The following CLUAP1 variants were observed in gnomAD, a reference collection of about 807,000 sequenced individuals.
CLUAP1 encodes clusterin-associated protein 1.
In CLUAP1, 50 loss-of-function variants were observed where a neutral mutation model predicts 55.0. The observed-to-expected ratio is 0.91, with a 90% CI of 0.72 to 1.15. The LOEUF (loss-of-function observed/expected upper bound fraction) is 1.15. CLUAP1 is among the 50% of genes most tolerant of loss of function. The pLI is 0.00. For synonymous variants in CLUAP1, 195 were observed against 175.4 expected (o/e 1.11, Z -0.88); for missense variants, 530 against 507.6 (o/e 1.04, Z -0.42).
At position 3,529,636 on chromosome 16, in the gene CLUAP1, T is replaced by TA. The variant is rs1203669726; in HGVS notation, c.929-932_929-931insA. Among the ~76,000 whole-genome samples the TA allele has an allele frequency of 1.3e-3, 37 of 27,558 alleles. 4 individuals carry two copies. Among genetic ancestry groups the TA allele is most frequent in the African/African-American group, 8.3e-3 (36 of 4,338 alleles). The allele number at this position is 27,558 out of a possible 152,430, so 18.1% of individuals were successfully genotyped here. A position where few individuals can be genotyped will look rare whatever the true frequency, so the allele number is the denominator to read the frequency against. ...ATATAATATTATATATTATATATTA[T>TA]TATATATTATATATTATTATATATT... On this transcript the variant is annotated intron_variant, in intron 9 of 11. Coordinates refer to ENST00000576634, the MANE Select transcript of CLUAP1 (RefSeq NM_015041.3).
Position 3,536,801 on chromosome 16 carries a change from A to G in CLUAP1, c.*530A>G, listed in dbSNP as rs574160433. The G allele has an allele frequency of 1.3e-5, 2 of 152,550 alleles. No individual in the cohort carries two copies. The highest frequency in any genetic ancestry group is 4.1e-4 in the South Asian group (2 of 4,842). The allele number at this position is 152,550 out of a possible 1,614,324, so 9.4% of individuals were successfully genotyped here. A position where few individuals can be genotyped will look rare whatever the true frequency, so the allele number is the denominator to read the frequency against. ...CTTTCGTCTGCATGTTCACAATACC[A>G]AGCATTAAATGTATTTTAATAACTA... On this transcript the variant is annotated 3_prime_UTR_variant, in exon 12 of 12. Coordinates refer to ENST00000576634, the MANE Select transcript of CLUAP1 (RefSeq NM_015041.3).
At chr16:3,529,340 A>G (rs567027894) in intron 9 of CLUAP1, among the ~76,000 whole-genome samples, 2 of 132,408 alleles carry the variant, frequency 1.5e-5, no homozygotes, top group East Asian at 4.2e-4. Context: ...GAACCCATGG[A>G]TGTGAAATCC....
At position 3,504,504 on chromosome 16, in the gene CLUAP1, A is replaced by G. The variant is rs566200672; in HGVS notation, c.23-216A>G. 3.9e-5 allele frequency among the ~76,000 whole-genome samples: 6 copies of G among 152,338 alleles called. No homozygotes were observed. In the South Asian group the frequency reaches 6.2e-4, roughly 16 times the overall value. ...ATTCCATTTTCATGTATAGCCATCT[A>G]CTTCTCCCATTGAACTTAAATATAT... On this transcript the variant is annotated intron_variant, in intron 1 of 11. Coordinates refer to ENST00000576634, the MANE Select transcript of CLUAP1 (RefSeq NM_015041.3).
At position 3,538,200 on chromosome 16, in the gene CLUAP1, A is replaced by T. The variant is rs1442366607; in HGVS notation, c.*1929A>T. 6.6e-6 allele frequency: 1 copy of T among 152,060 alleles called. No individual in the cohort carries two copies. Among genetic ancestry groups the T allele is most frequent in the African/African-American group, 2.4e-5 (1 of 41,412 alleles). The allele number at this position is 152,060 out of a possible 1,614,324, so 9.4% of individuals were successfully genotyped here. A position where few individuals can be genotyped will look rare whatever the true frequency, so the allele number is the denominator to read the frequency against. ...TTGTACCTGTCAGATATAAATACTT[A>T]TTCAGGAGTTCACAGGTACGAAAAG... On this transcript the variant is annotated 3_prime_UTR_variant, in exon 12 of 12. Transcript: ENST00000576634.
intron 4 of CLUAP1, among the ~76,000 whole-genome samples, chr16:3,509,249 G>A (rs765352427): frequency 2.0e-5 from 3 of 152,116 alleles, no homozygotes; most frequent in Admixed American, 6.5e-5. Flanking sequence ...ACCTTGTCTG[G>A]GGGGAAGAAA....
rs2037386538 is a variant in CLUAP1, at chr16:3,501,063, G to A, written c.-5G>A. On this transcript the variant is annotated 5_prime_UTR_variant, in exon 1 of 12. Transcript: ENST00000576634. Reference sequence around the variant, plus strand: ...CGACCCTGGGCTCCTGGGGACCTGAGCGTTATGTCTTTCCGCGACCTCCGC... The same window carrying A: ...CGACCCTGGGCTCCTGGGGACCTGAACGTTATGTCTTTCCGCGACCTCCGC... 1.9e-6 allele frequency: 3 copies of A among 1,600,212 alleles called. No individual in the cohort carries two copies. The highest frequency in any genetic ancestry group is 2.7e-5 in the African/African-American group (2 of 74,886).
intron 9 of CLUAP1, among the ~76,000 whole-genome samples, chr16:3,526,967 G>T (rs1223401910): frequency 6.6e-6 from 1 of 152,080 alleles, no homozygotes; most frequent in African/African-American, 2.4e-5. Context: ...CTTTGTGATG[G>T]TCCCCATGCT....
chr16:3,500,940 T>A (rs927680149), upstream of CLUAP1: 2 of 1,034,074 alleles, frequency 1.9e-6, no homozygotes, highest in Non-Finnish European at 2.8e-6. Flanking sequence ...TTCGCTTCGC[T>A]TTTTGTTTGT....
intron 5 of CLUAP1, 110 bp downstream of exon 5, chr16:3,512,588 A>T (rs1290320324): frequency 1.2e-6 from 1 of 800,034 alleles, no homozygotes; most frequent in East Asian, 2.7e-5. Context: ...ACCTGGTTGA[A>T]TGAGCTAATG....
chr16:3,520,758 T>C (rs2037817893), intron 7 of CLUAP1, among the ~76,000 whole-genome samples: 4 of 152,146 alleles, frequency 2.6e-5, no homozygotes, highest in Admixed American at 2.6e-4. Context: ...CCTTGATCAT[T>C]CCTCACCAGT....
chr16:3,531,384 C>T (rs964163511), intron 10 of CLUAP1, among the ~76,000 whole-genome samples: 1 of 152,026 alleles, frequency 6.6e-6, no homozygotes, highest in South Asian at 2.1e-4. Context: ...TAGTTGGGCG[C>T]AATGGCGGGC....
intron 4 of CLUAP1, among the ~76,000 whole-genome samples, chr16:3,510,531 A>G (rs116276727): frequency 1.9e-3 from 284 of 152,268 alleles, no homozygotes; most frequent in African/African-American, 6.6e-3. Flanking sequence ...GGGATGAGGC[A>G]TGGGTTGAGA....
At chr16:3,529,458 A>C (rs1399927636) in intron 9 of CLUAP1, among the ~76,000 whole-genome samples, 14 of 83,138 alleles carry the variant, frequency 1.7e-4, no homozygotes, top group African/African-American at 7.1e-4. Context: ...ATATTATTAT[A>C]TATAATATAT....
intron 9 of CLUAP1, 89 bp from the exon 10 acceptor site, chr16:3,530,479 G>T (rs540319117): frequency 2.4e-6 from 2 of 849,416 alleles, no homozygotes; most frequent in East Asian, 5.2e-5. Context: ...ATGAACAAAT[G>T]ACTTTTGCAC....
upstream of CLUAP1, chr16:3,496,585 C>T (rs1369595833): frequency 1.3e-5 from 7 of 536,374 alleles, no homozygotes; most frequent in Non-Finnish European, 2.2e-5. Flanking sequence ...ATCAGCTGGC[C>T]CTGGACTCCC....
rs1367820294 is a variant in CLUAP1, at chr16:3,536,120, A to G, written c.1093-2A>G. ...GTTGCATCTGCCATTTTTTTCCTAT[A>G]GGAGGACTCGGAGGAGAGTGAAATT... On this transcript the variant is annotated splice_acceptor_variant, in intron 11 of 11. Transcript: ENST00000576634. LOFTEE classifies it high-confidence loss of function. 1.9e-6 allele frequency: 3 copies of G among 1,613,690 alleles called. No individual in the cohort carries two copies. The highest frequency in any genetic ancestry group is 2.5e-6 in the Non-Finnish European group (3 of 1,179,866).
chr16:3,496,810 CA>C (rs1477876803), upstream of CLUAP1: 1 of 354,620 alleles, frequency 2.8e-6, no homozygotes, highest in South Asian at 2.3e-5. Context: ...GACAAAAAAA[CA>C]AAAAGTTAAA....
chr16:3,518,591 G>A (rs896060461), intron 6 of CLUAP1, among the ~76,000 whole-genome samples: 1 of 152,170 alleles, frequency 6.6e-6, no homozygotes, highest in Non-Finnish European at 1.5e-5. Context: ...ACTTTGGTTC[G>A]AGGAAACAGT....
chr16:3,512,173 C>T (rs992009604), intron 4 of CLUAP1, among the ~76,000 whole-genome samples: 2 of 137,782 alleles, frequency 1.5e-5, no homozygotes, highest in Admixed American at 7.6e-5. Context: ...GCAACAAGAA[C>T]GAAACTCCGT....
Sources: gnomAD v4.1 joint callset for allele counts (sites outside exome capture counted in the v4.1 genomes callset) on GRCh38, gnomAD v4.1.1 for gene constraint, MANE v1.5 for transcripts, NCBI Gene and HGNC (gene_info 2026-07-23, HGNC 2026-07-21) for gene names.